The following DAAM1 variants were observed in gnomAD, a reference collection of about 807,000 sequenced individuals.
DAAM1 encodes dishevelled associated activator of morphogenesis 1.
Under a neutral mutation model 130.0 loss-of-function variants are expected in DAAM1, and 52 were observed. The ratio of observed to expected loss-of-function variants is 0.40; its 90% CI spans 0.32 to 0.50. DAAM1 has a LOEUF of 0.50. Among genes scored for constraint, DAAM1 ranks in the 20% least tolerant of loss-of-function variants. DAAM1 has a pLI of 0.61. For missense variants in DAAM1, 1,134 were observed against 1,303.8 expected (o/e 0.87, Z 2.01); for synonymous variants, 452 against 444.5 (o/e 1.02, Z -0.21).
intron 5 of DAAM1, among the ~76,000 whole-genome samples, chr14:59,322,538 C>T (rs8021448): frequency 0.31 from 47,213 of 151,168 alleles, 8,742 homozygotes; most frequent in East Asian, 0.56. Flanking sequence ...GGCATGGGAA[C>T]TGTATGCTAA....
In DAAM1 at chr14:59,326,412, T is replaced by C. The variant is rs1480811284; in HGVS notation, c.1175-98T>C. On this transcript the variant is annotated intron_variant, in intron 10 of 24. Transcript: ENST00000360909. The stretch of plus-strand genomic sequence containing the variant: ...TTGGTGCAGATGTTATAAACATCTC[T>C]GGTTTGGTGGCTTTAAAGGGTGACC... 8.9e-6 allele frequency: 11 copies of C among 1,235,272 alleles called. No homozygotes were observed. In the East Asian group the frequency reaches 2.6e-4, roughly 30 times the overall value. 76.5% of individuals were successfully genotyped at this position (1,235,272 alleles called of 1,614,324 possible).
intron 1 of DAAM1, among the ~76,000 whole-genome samples, chr14:59,259,827 G>A (rs181634012): frequency 3.9e-4 from 59 of 152,246 alleles, no homozygotes; most frequent in Middle Eastern, 3.4e-3. Flanking sequence ...GGCAGATCAC[G>A]AGGTCAGGAG....
chr14:59,217,437 T>C (rs1420915139), intron 1 of DAAM1, among the ~76,000 whole-genome samples: 1 of 152,226 alleles, frequency 6.6e-6, no homozygotes, highest in Admixed American at 6.5e-5. Flanking sequence ...CAGTGTGGTG[T>C]AACCAGAGTT....
intron 1 of DAAM1, among the ~76,000 whole-genome samples, chr14:59,216,549 C>T (rs1426513788): frequency 1.3e-5 from 2 of 152,132 alleles, no homozygotes; most frequent in Admixed American, 6.5e-5. Flanking sequence ...GGTGAAAGCT[C>T]TTCTCTACTA....
At chr14:59,296,736 C>T (rs1418893109) in intron 3 of DAAM1, among the ~76,000 whole-genome samples, 4 of 152,130 alleles carry the variant, frequency 2.6e-5, no homozygotes, top group Non-Finnish European at 5.9e-5. Flanking sequence ...GCTCCTTTTT[C>T]AACATTTGAG....
chr14:59,323,299 G>A, intron 6 of DAAM1, 74 bp downstream of exon 6: 1 of 1,418,068 alleles, frequency 7.1e-7, no homozygotes, highest in Non-Finnish European at 9.4e-7. Flanking sequence ...TCCTGTCCCT[G>A]AAAGGGGAAT....
rs943359203 is a variant in DAAM1, at chr14:59,345,155, G to A, written c.2076-2384G>A. Among the ~76,000 whole-genome samples, 6 of 152,164 alleles carry A rather than the reference G, an allele frequency of 3.9e-5. No homozygotes were observed. In the East Asian group the frequency reaches 1.2e-3, roughly 29 times the overall value. On this transcript the variant is annotated intron_variant, in intron 16 of 24. Coordinates refer to ENST00000360909, the MANE Select transcript of DAAM1 (RefSeq NM_001270520.2). ...AAGGCTACCCAGTTGAGGCCCTGATGCTGCGAGTCGGTTTTTCCCTGTTGT... is the reference window on the plus strand; with the variant it reads ...AAGGCTACCCAGTTGAGGCCCTGATACTGCGAGTCGGTTTTTCCCTGTTGT...
chr14:59,325,876 C>A, intron 9 of DAAM1, 84 bp from the exon 10 acceptor site: 1 of 1,525,170 alleles, frequency 6.6e-7, no homozygotes, highest in Non-Finnish European at 9.1e-7. Flanking sequence ...GCAGGATTAG[C>A]TTCTGTTTGC....
intron 3 of DAAM1, among the ~76,000 whole-genome samples, chr14:59,310,092 T>G (rs140130360): frequency 0.011 from 1,705 of 149,064 alleles, 15 homozygotes; most frequent in Non-Finnish European, 0.017. Flanking sequence ...TTACCTAGAA[T>G]AGTAGTGACA....
rs371959303 is a variant in DAAM1, at chr14:59,330,701, G to A, written c.1560+13G>A. 43 of 1,595,020 alleles carry A rather than the reference G, an allele frequency of 2.7e-5. No homozygotes were observed. The highest frequency in any genetic ancestry group is 6.8e-5 in the South Asian group (6 of 87,816). ...TGAGCTCAGCAGGGTGAGGTCTTCCGCTCAGCTCACGGGCAGCTGCCAAGG... is the reference window on the plus strand; with the variant it reads ...TGAGCTCAGCAGGGTGAGGTCTTCCACTCAGCTCACGGGCAGCTGCCAAGG... On this transcript the variant is annotated intron_variant, in intron 13 of 24. Transcript: ENST00000360909.
In DAAM1 at chr14:59,324,837, A is replaced by G. The variant is rs887195745; in HGVS notation, c.989+383A>G. 3.3e-5 allele frequency among the ~76,000 whole-genome samples: 5 copies of G among 152,204 alleles called. No homozygotes were observed. In the East Asian group the frequency reaches 7.7e-4, roughly 23 times the overall value. On this transcript the variant is annotated intron_variant, in intron 8 of 24. Coordinates refer to ENST00000360909, the MANE Select transcript of DAAM1 (RefSeq NM_001270520.2). ...TCCAGGAATGATGTAAAAATTGACT[A>G]TAAAACCTATGGAATTACTTAGCCC...
At chr14:59,265,811 G>T (rs931140199) in intron 2 of DAAM1, 2 of 152,336 alleles carry the variant, frequency 1.3e-5, no homozygotes, top group Non-Finnish European at 2.9e-5. Context: ...AGGAAGGGTG[G>T]AGGAGGAAAG....
intron 15 of DAAM1, among the ~76,000 whole-genome samples, chr14:59,333,058 G>A (rs1455187724): frequency 6.6e-6 from 1 of 152,080 alleles, no homozygotes; most frequent in Non-Finnish European, 1.5e-5. Flanking sequence ...CAGGCTAGGG[G>A]GAGAAACAAA....
At chr14:59,289,784 A>ATATATATATATACACACAT in intron 2 of DAAM1, among the ~76,000 whole-genome samples, 1 of 128,714 alleles carries the variant, frequency 7.8e-6, no homozygotes, top group African/African-American at 2.9e-5. Context: ...ATATATATAT[A>ATATATATATATACACACAT]ATGGAATGCT....
intron 3 of DAAM1, among the ~76,000 whole-genome samples, chr14:59,297,915 AG>A (rs1485348029): frequency 6.6e-6 from 1 of 152,152 alleles, no homozygotes; most frequent in Non-Finnish European, 1.5e-5. Context: ...CCCATAGATA[AG>A]GGGGGACTAC....
At chr14:59,296,038 T>C (rs67324723) in intron 3 of DAAM1, among the ~76,000 whole-genome samples, 23,765 of 152,146 alleles carry the variant, frequency 0.16, 2,289 homozygotes, top group East Asian at 0.33. Context: ...TCTTCTGCAA[T>C]TGAGTTTTCA....
Position 59,368,867 on chromosome 14 carries a change from T to A in DAAM1, c.*8T>A. The A allele has an allele frequency of 6.2e-7, 1 of 1,612,364 alleles. No homozygotes were observed. The highest frequency in any genetic ancestry group is 8.5e-7 in the Non-Finnish European group (1 of 1,178,988). ...ACAAAACTTAATTTCTAATTTTCCA[T>A]GAATACTTTTTTTTAGAAAGCTCAT... On this transcript the variant is annotated 3_prime_UTR_variant, in exon 25 of 25. Transcript: ENST00000360909.
At chr14:59,287,370 G>C (rs1883508862) in intron 2 of DAAM1, among the ~76,000 whole-genome samples, 1 of 152,166 alleles carries the variant, frequency 6.6e-6, no homozygotes, top group African/African-American at 2.4e-5. Context: ...TTGAGAACTA[G>C]AATAAGACAA....
intron 3 of DAAM1, among the ~76,000 whole-genome samples, chr14:59,313,465 T>C (rs1201634502): frequency 6.6e-6 from 1 of 152,240 alleles, no homozygotes; most frequent in African/African-American, 2.4e-5. Flanking sequence ...TAAAGACTTC[T>C]CTCTGTGTAC....
Sources: gnomAD v4.1 joint callset for allele counts (sites outside exome capture counted in the v4.1 genomes callset) on GRCh38, gnomAD v4.1.1 for gene constraint, MANE v1.5 for transcripts, NCBI Gene and HGNC (gene_info 2026-07-23, HGNC 2026-07-21) for gene names.